The following EIF4E variants were observed in gnomAD, a reference collection of about 807,000 sequenced individuals.
EIF4E encodes eIF-4F 25 kDa subunit.
For missense variants in EIF4E, 113 were observed against 265.6 expected, an observed-to-expected ratio of 0.43 and a Z score of 3.99; for synonymous variants, 71 against 88.5, an observed-to-expected ratio of 0.80 and a Z score of 1.11.
chr4:98,900,754 A>G (rs554820971), intron 2 of EIF4E, among the ~76,000 whole-genome samples: 1 of 152,244 alleles, frequency 6.6e-6, no homozygotes, highest in Non-Finnish European at 1.5e-5. Context: ...CCTACTGGAA[A>G]GGAGTGGGAA....
chr4:98,924,576 G>A (rs1674526175), intron 1 of EIF4E, among the ~76,000 whole-genome samples: 2 of 151,240 alleles, frequency 1.3e-5, no homozygotes, highest in Non-Finnish European at 3.0e-5. Context: ...ATAAAATGAA[G>A]TGTGAAATTT....
chr4:98,895,275 T>G (rs1484318268), intron 2 of EIF4E: 1 of 152,198 alleles, frequency 6.6e-6, no homozygotes, highest in African/African-American at 2.4e-5. Context: ...AAACCTTCAA[T>G]TTATAGAAAA....
At chr4:98,911,795 T>C (rs201467407) in intron 1 of EIF4E, among the ~76,000 whole-genome samples, 1 of 151,016 alleles carries the variant, frequency 6.6e-6, no homozygotes, top group Non-Finnish European at 1.5e-5. Context: ...ACATATTATA[T>C]AGCTTAAGCC....
At chr4:98,907,807 T>C (rs1724939958) in intron 1 of EIF4E, among the ~76,000 whole-genome samples, 1 of 152,182 alleles carries the variant, frequency 6.6e-6, no homozygotes, top group South Asian at 2.1e-4. Flanking sequence ...GTTTCTTCCC[T>C]TGTAAAAAGT....
chr4:98,898,702 C>T (rs531070207), intron 2 of EIF4E, among the ~76,000 whole-genome samples: 5 of 152,032 alleles, frequency 3.3e-5, no homozygotes, highest in African/African-American at 9.6e-5. Flanking sequence ...AATAATTTTA[C>T]ATTTCTCAAG....
At chr4:98,911,300 G>A (rs1389353613) in intron 1 of EIF4E, among the ~76,000 whole-genome samples, 3 of 150,770 alleles carry the variant, frequency 2.0e-5, no homozygotes, top group African/African-American at 7.3e-5. Flanking sequence ...CACCCGCCTC[G>A]GCCTCCCAAA....
intron 1 of EIF4E, among the ~76,000 whole-genome samples, chr4:98,916,687 A>G (rs939844012): frequency 6.6e-6 from 1 of 152,202 alleles, no homozygotes; most frequent in African/African-American, 2.4e-5. Context: ...ATCAGCAGCT[A>G]CAACAGAAGT....
chr4:98,928,095 G>A lies in EIF4E; in HGVS notation c.18+1000C>T, dbSNP rs78660505. On this transcript the variant is annotated intron_variant, in intron 1 of 6. Transcript: ENST00000450253. ...TAAAAGTTTCTATTTCCAATAAACT[G>A]CGTCTCAGAAATCTTCCAGGAGATA... Among the ~76,000 whole-genome samples the A allele has an allele frequency of 8.8e-3, 1,346 of 152,292 alleles. 22 individuals carry two copies. Among genetic ancestry groups the A allele is most frequent in the African/African-American group, 0.031 (1,284 of 41,574 alleles).
chr4:98,888,638 T>A (rs576092106), intron 3 of EIF4E, among the ~76,000 whole-genome samples: 2 of 152,336 alleles, frequency 1.3e-5, no homozygotes, highest in South Asian at 4.1e-4. Flanking sequence ...ACATTTGCGA[T>A]GACTTAGTTG....
At position 98,899,111 on chromosome 4, in the gene EIF4E, T is replaced by C. The variant is rs537332048; in HGVS notation, c.125+2765A>G. 3.0e-4 allele frequency among the ~76,000 whole-genome samples: 45 copies of C among 151,156 alleles called. 1 individual carries two copies. The highest frequency in any genetic ancestry group is 1.0e-3 in the South Asian group (5 of 4,784). On this transcript the variant is annotated intron_variant, in intron 2 of 6. Coordinates refer to ENST00000450253, the MANE Select transcript of EIF4E (RefSeq NM_001968.5). ...AATGTTAGAAGACAAATGATATGGA[T>C]AACCTGTTTCTTTCTGACTTAATAC...
At chr4:98,886,709 C>T (rs1723935790) in intron 5 of EIF4E, 1 of 339,022 alleles carries the variant, frequency 2.9e-6, no homozygotes, top group Admixed American at 4.1e-5. Context: ...GAGCAAGACC[C>T]TCGCTCTAAA....
chr4:98,924,727 G>A (rs183391056), intron 1 of EIF4E, among the ~76,000 whole-genome samples: 552 of 152,078 alleles, frequency 3.6e-3, no homozygotes, highest in Non-Finnish European at 6.8e-3. Flanking sequence ...CCAGTAGCTG[G>A]GATTACAGGC....
At chr4:98,911,818 T>A (rs1013339204) in intron 1 of EIF4E, among the ~76,000 whole-genome samples, 11 of 150,778 alleles carry the variant, frequency 7.3e-5, no homozygotes, top group Non-Finnish European at 1.3e-4. Flanking sequence ...CATCACAAAT[T>A]CAGTCTGGGT....
rs527976121 is a variant in EIF4E, at chr4:98,923,956, T to C, written c.18+5139A>G. Among the ~76,000 whole-genome samples, 27 of 152,324 alleles carry C rather than the reference T, an allele frequency of 1.8e-4. No individual in the cohort carries two copies. In the South Asian group the frequency reaches 1.9e-3, roughly 11 times the overall value. On this transcript the variant is annotated intron_variant, in intron 1 of 6. Transcript: ENST00000450253. Reference sequence around the variant, plus strand: ...TCAGCTGACTTAGAAATTTCAGTCTTCAAGATCACTCAGATATTAAGATGA... The same window carrying C: ...TCAGCTGACTTAGAAATTTCAGTCTCCAAGATCACTCAGATATTAAGATGA...
intron 1 of EIF4E, among the ~76,000 whole-genome samples, chr4:98,927,450 GT>G (rs1319807960): frequency 6.6e-6 from 1 of 151,580 alleles, no homozygotes; most frequent in East Asian, 2.0e-4. Context: ...GAGGTCAGGA[GT>G]TTCAGACCAG....
intron 1 of EIF4E, among the ~76,000 whole-genome samples, chr4:98,921,879 G>T (rs1021837886): frequency 2.6e-5 from 4 of 152,286 alleles, no homozygotes; most frequent in South Asian, 2.1e-4. Context: ...GGGGGAGAAG[G>T]TTAAGTGTCC....
chr4:98,894,711 T>C (rs1052318385), intron 2 of EIF4E, among the ~76,000 whole-genome samples: 1 of 152,228 alleles, frequency 6.6e-6, no homozygotes, highest in African/African-American at 2.4e-5. Flanking sequence ...GGCTGTTTTG[T>C]TTTCTTATCA....
At chr4:98,897,100 C>G (rs895083108) in intron 2 of EIF4E, among the ~76,000 whole-genome samples, 3 of 152,160 alleles carry the variant, frequency 2.0e-5, no homozygotes, top group African/African-American at 7.2e-5. Context: ...CATAATAATG[C>G]TAAGAAGGCA....
chr4:98,928,474 G>C (rs868602057), intron 1 of EIF4E, among the ~76,000 whole-genome samples: 8 of 152,040 alleles, frequency 5.3e-5, no homozygotes, highest in Non-Finnish European at 4.4e-5. Flanking sequence ...TGGATTAACA[G>C]ACGCTCGCCC....
Sources: gnomAD v4.1 joint callset for allele counts (sites outside exome capture counted in the v4.1 genomes callset) on GRCh38, gnomAD v4.1.1 for gene constraint, MANE v1.5 for transcripts, NCBI Gene and HGNC (gene_info 2026-07-23, HGNC 2026-07-21) for gene names.